Variants in MICU3 observed in about 807,000 individuals in gnomAD.
The protein encoded by MICU3 is mitochondrial calcium uptake 3, also known as calcium uptake protein 3, mitochondrial.
In MICU3, 62 loss-of-function variants were observed where a neutral mutation model predicts 66.5. That is an observed-to-expected ratio of 0.93 (90% CI 0.76 to 1.15). The LOEUF (loss-of-function observed/expected upper bound fraction) is 1.15. Among genes scored for constraint, MICU3 ranks in the 50% most tolerant of loss-of-function variants. The pLI is 0.00. For missense variants in MICU3, 779 were observed against 664.4 expected, an observed-to-expected ratio of 1.17 and a Z score of -1.90; for synonymous variants, 308 against 240.7, an observed-to-expected ratio of 1.28 and a Z score of -2.59.
At chr8:17,103,668 A>G (rs535696590) in intron 9 of MICU3, among the ~76,000 whole-genome samples, 1 of 152,016 alleles carries the variant, frequency 6.6e-6, no homozygotes, top group Non-Finnish European at 1.5e-5. Flanking sequence ...ATAGGCCATT[A>G]TACTTTATAA....
At chr8:17,090,171 A>G (rs963002746) in intron 7 of MICU3, among the ~76,000 whole-genome samples, 1 of 151,982 alleles carries the variant, frequency 6.6e-6, no homozygotes, top group Non-Finnish European at 1.5e-5. Flanking sequence ...CTCTCATACC[A>G]TTTCCACTGC....
intron 5 of MICU3, among the ~76,000 whole-genome samples, chr8:17,083,911 G>A (rs2150733424): frequency 6.6e-6 from 1 of 152,172 alleles, no homozygotes; most frequent in East Asian, 1.9e-4. Context: ...GTTGGCTAGG[G>A]TAGCCAATTG....
chr8:17,123,502 C>G (rs1563410882), downstream of MICU3, among the ~76,000 whole-genome samples: 2 of 151,916 alleles, frequency 1.3e-5, no homozygotes, highest in African/African-American at 4.8e-5. Flanking sequence ...GTTAAAATGA[C>G]AACATATCTT....
intron 1 of MICU3, among the ~76,000 whole-genome samples, chr8:17,040,677 G>A (rs1437674271): frequency 6.6e-6 from 1 of 152,132 alleles, no homozygotes; most frequent in African/African-American, 2.4e-5. Context: ...GGCATCCTTA[G>A]ACTTCAGTAT....
chr8:17,087,016 A>T lies in MICU3; in HGVS notation c.830A>T (p.Glu277Val), dbSNP rs1799546851. 1 of 1,607,276 alleles carries T rather than the reference A, an allele frequency of 6.2e-7. No homozygotes were observed. Among genetic ancestry groups the T allele is most frequent in the Admixed American group, 1.7e-5 (1 of 59,772 alleles). Residue 277 changes from glutamate to valine, a missense_variant, in exon 7 of 15, where the codon GAA (glutamate) becomes GTA (valine). Coordinates refer to ENST00000318063, the MANE Select transcript of MICU3 (RefSeq NM_181723.3). ...KNEKREIKGD[E>V]EKRAMLRLQL... The stretch of plus-strand genomic sequence containing the variant: ...GAAAAGAGAGAAATTAAAGGAGATG[A>T]AGAAAAGCGTGCAATGCTGGTAAGA...
At chr8:17,049,420 C>G (rs1354976578) in intron 1 of MICU3, among the ~76,000 whole-genome samples, 1 of 152,152 alleles carries the variant, frequency 6.6e-6, no homozygotes, top group East Asian at 1.9e-4. Flanking sequence ...AATAGTACAT[C>G]AAGAGGTAGA....
At chr8:17,106,144 T>C (rs1269951848) in intron 11 of MICU3, among the ~76,000 whole-genome samples, 1 of 152,040 alleles carries the variant, frequency 6.6e-6, no homozygotes, top group Non-Finnish European at 1.5e-5. Context: ...TATCTAGTGG[T>C]ATTTGAATGC....
intron 11 of MICU3, among the ~76,000 whole-genome samples, chr8:17,112,101 A>C (rs967995234): frequency 3.9e-5 from 6 of 152,200 alleles, no homozygotes; most frequent in Non-Finnish European, 7.4e-5. Flanking sequence ...CCCTCCCTCA[A>C]CATGGGGGGA....
At position 17,121,050 on chromosome 8, in the gene MICU3, T is replaced by A. The variant is rs1803160318; in HGVS notation, c.*763T>A. 1.3e-5 allele frequency: 2 copies of A among 151,938 alleles called. No homozygotes were observed. The highest frequency in any genetic ancestry group is 4.8e-5 in the African/African-American group (2 of 41,442). 9.4% of individuals were successfully genotyped at this position (151,938 alleles called of 1,614,324 possible). A position where few individuals can be genotyped will look rare whatever the true frequency, so the allele number is the denominator to read the frequency against. ...TGTTGATAGTAGAAGCAGTGGTAGT[T>A]GTTGTAACAGTAATCATTGTCATTG... On this transcript the variant is annotated 3_prime_UTR_variant, in exon 15 of 15. Coordinates refer to ENST00000318063, the MANE Select transcript of MICU3 (RefSeq NM_181723.3).
Position 17,098,532 on chromosome 8 carries a change from A to T in MICU3, c.963A>T (p.Ala321=), listed in dbSNP as rs1007780083. The change falls in exon 9 of 15, where the codon GCA becomes GCT. Residue 321 remains alanine, a synonymous_variant. Transcript: ENST00000318063. ...WDTLRRNTSQ[A]LFSDLAERAD... is the part of the protein sequence containing the mutation. The stretch of plus-strand genomic sequence containing the variant: ...CACTGAGACGTAACACAAGCCAAGC[A>T]CTGTTTTCAGACCTCGCAGAGGTAT... The T allele has an allele frequency of 1.2e-6, 2 of 1,610,832 alleles. No homozygotes were observed. Among genetic ancestry groups the T allele is most frequent in the Admixed American group, 3.3e-5 (2 of 59,850 alleles).
intron 5 of MICU3, among the ~76,000 whole-genome samples, chr8:17,084,705 G>A (rs1039544779): frequency 2.6e-5 from 4 of 152,050 alleles, no homozygotes; most frequent in African/African-American, 9.7e-5. Context: ...AAAAGCAATT[G>A]TTCCTTGTAT....
At chr8:17,051,910 CT>C (rs1170713489) in intron 1 of MICU3, among the ~76,000 whole-genome samples, 1 of 151,940 alleles carries the variant, frequency 6.6e-6, no homozygotes, top group African/African-American at 2.4e-5. Flanking sequence ...GGACAGGGCA[CT>C]TTCTAAGGTG....
At chr8:17,132,368 G>C in the MICU3 span, 1 of 152,106 alleles carries the variant, frequency 6.6e-6, no homozygotes, top group Non-Finnish European at 1.5e-5. Context: ...CCAGAACCTG[G>C]TAGAGTAATT....
intron 2 of MICU3, among the ~76,000 whole-genome samples, chr8:17,065,143 C>T (rs1818482520): frequency 6.6e-6 from 1 of 152,108 alleles, no homozygotes. Context: ...CACTAAAAAT[C>T]AGTATAACAA....
At chr8:17,039,634 G>T (rs925979787) in intron 1 of MICU3, among the ~76,000 whole-genome samples, 1 of 151,996 alleles carries the variant, frequency 6.6e-6, no homozygotes, top group Non-Finnish European at 1.5e-5. Flanking sequence ...TACATAATTT[G>T]GGGCTGGACT....
At chr8:17,131,765 C>T in the MICU3 span, 617 of 152,304 alleles carry the variant, frequency 4.1e-3, 3 homozygotes, top group Middle Eastern at 6.8e-3. Context: ...AAGGAAAATC[C>T]CTTCCTCCTC....
chr8:17,089,035 T>G (rs1277516012), intron 7 of MICU3, among the ~76,000 whole-genome samples: 3 of 151,982 alleles, frequency 2.0e-5, no homozygotes. Context: ...GAAGGAGATT[T>G]GTTTTAAAGA....
intron 1 of MICU3, among the ~76,000 whole-genome samples, chr8:17,036,102 T>A (rs1812930652): frequency 6.6e-6 from 1 of 152,148 alleles, no homozygotes; most frequent in Non-Finnish European, 1.5e-5. Context: ...GTCTGTCCCT[T>A]CTGATGTTCA....
chr8:17,094,652 A>G (rs531073606), intron 8 of MICU3, among the ~76,000 whole-genome samples: 1 of 152,116 alleles, frequency 6.6e-6, no homozygotes, highest in East Asian at 1.9e-4. Flanking sequence ...TTTTAAAAAA[A>G]AAATGTCTAC....
Sources: allele counts gnomAD v4.1 joint callset (sites outside exome capture counted in the v4.1 genomes callset), GRCh38; gene constraint gnomAD v4.1.1; transcripts MANE v1.5; gene names NCBI Gene and HGNC (gene_info 2026-07-23, HGNC 2026-07-21).